The following EXOC5 variants were observed in gnomAD, a reference collection of about 807,000 sequenced individuals.
The protein encoded by EXOC5 is exocyst complex component 5.
Under a neutral mutation model 90.8 loss-of-function variants are expected in EXOC5, and 17 were observed. The observed-to-expected ratio is 0.19, with a 90% CI of 0.13 to 0.28. EXOC5 has a LOEUF of 0.28. Among genes scored for constraint, EXOC5 ranks in the 10% least tolerant of loss-of-function variants. The probability of loss-of-function intolerance (pLI) is 1.00; values close to 1 mark genes in which losing one functional copy is unlikely to be tolerated. For synonymous variants in EXOC5, 260 were observed against 270.0 expected, an observed-to-expected ratio of 0.96 and a Z score of 0.36; for missense variants, 569 against 830.6, an observed-to-expected ratio of 0.69 and a Z score of 3.87.
intron 3 of EXOC5, among the ~76,000 whole-genome samples, chr14:57,244,569 G>C (rs1015147647): frequency 6.6e-6 from 1 of 151,840 alleles, no homozygotes; most frequent in African/African-American, 2.4e-5. Context: ...TATTTATCGT[G>C]AGTACATTAA....
At chr14:57,239,990 T>A (rs1883807738) in intron 4 of EXOC5, among the ~76,000 whole-genome samples, 1 of 152,170 alleles carries the variant, frequency 6.6e-6, no homozygotes, top group Non-Finnish European at 1.5e-5. Context: ...GAAAGCCAGG[T>A]GTAAATCTCA....
chr14:57,220,204 GC>G (rs989312225), intron 13 of EXOC5, among the ~76,000 whole-genome samples: 7 of 146,886 alleles, frequency 4.8e-5, no homozygotes, highest in Admixed American at 1.4e-4. Context: ...GTTTCCCTCC[GC>G]CCCCCCTGCC....
Position 57,268,462 on chromosome 14 carries a change from G to A in EXOC5, c.27+160C>T, listed in dbSNP as rs919253500. ...GCACCCCTCCCCCATTTCACGCTCC[G>A]CCCGCGCTGACACGGAGCTGCCACC... On this transcript the variant is annotated intron_variant, in intron 1 of 17. Transcript: ENST00000621441. 4 of 1,459,306 alleles carry A rather than the reference G, an allele frequency of 2.7e-6. No individual in the cohort carries two copies. The East Asian group carries it at 8.2e-5, about 30-fold the overall frequency. The allele number at this position is 1,459,306 out of a possible 1,614,324, so 90.4% of individuals were successfully genotyped here.
intron 1 of EXOC5, among the ~76,000 whole-genome samples, chr14:57,252,197 T>C (rs1018735444): frequency 4.6e-5 from 7 of 152,150 alleles, no homozygotes; most frequent in Non-Finnish European, 8.8e-5. Flanking sequence ...CACTTCCTAA[T>C]TCACTGTATG....
At chr14:57,208,882 A>T (rs1383741170) in intron 17 of EXOC5, 85 bp from the exon 18 acceptor site, 1 of 860,418 alleles carries the variant, frequency 1.2e-6, no homozygotes, top group African/African-American at 1.7e-5. Context: ...ACATACTGTC[A>T]GGTGGGACTT....
intron 1 of EXOC5, chr14:57,268,402 C>A (rs1392004394): frequency 1.5e-6 from 2 of 1,348,480 alleles, no homozygotes; most frequent in Non-Finnish European, 2.0e-6. Flanking sequence ...CTTCCCCTCT[C>A]TGCCGACCGG....
At chr14:57,250,667 A>ACAAATG in intron 1 of EXOC5, among the ~76,000 whole-genome samples, 2 of 152,154 alleles carry the variant, frequency 1.3e-5, no homozygotes, top group African/African-American at 4.8e-5. Flanking sequence ...CCTAGTGGTC[A>ACAAATG]TTTCTGCAGT....
chr14:57,207,075 C>G lies in EXOC5; in HGVS notation c.*1534G>C, dbSNP rs117718827. On this transcript the variant is annotated 3_prime_UTR_variant, in exon 18 of 18. Coordinates refer to ENST00000621441, the MANE Select transcript of EXOC5 (RefSeq NM_006544.4). ...CAGCCTTCTAAAGCTGCCATAATGTCCTAAAATGCTCTGAAAGAAGTTGGT... is the reference window on the plus strand; with the variant it reads ...CAGCCTTCTAAAGCTGCCATAATGTGCTAAAATGCTCTGAAAGAAGTTGGT... The G allele has an allele frequency of 1.3e-5, 2 of 152,516 alleles. No individual in the cohort carries two copies. Among genetic ancestry groups the G allele is most frequent in the Non-Finnish European group, 2.9e-5 (2 of 67,930 alleles). The allele number at this position is 152,516 out of a possible 1,614,324, so 9.4% of individuals were successfully genotyped here.
intron 12 of EXOC5, among the ~76,000 whole-genome samples, chr14:57,223,396 T>C (rs980506714): frequency 2.0e-5 from 3 of 152,098 alleles, no homozygotes; most frequent in Non-Finnish European, 4.4e-5. Context: ...ACTTATTATC[T>C]GATGTATTAA....
At chr14:57,251,218 T>C (rs1183584218) in intron 1 of EXOC5, among the ~76,000 whole-genome samples, 1 of 152,148 alleles carries the variant, frequency 6.6e-6, no homozygotes, top group Non-Finnish European at 1.5e-5. Context: ...TGTGGCAGAG[T>C]GCTGTCCAAA....
chr14:57,210,199 T>C (rs1448836299), intron 15 of EXOC5, 138 bp from the exon 16 acceptor site: 3 of 533,306 alleles, frequency 5.6e-6, no homozygotes, highest in South Asian at 2.9e-5. Context: ...TGGTAAACTT[T>C]AGATATTAGA....
intron 12 of EXOC5, among the ~76,000 whole-genome samples, chr14:57,226,424 T>C (rs1883309691): frequency 6.6e-6 from 1 of 152,212 alleles, no homozygotes; most frequent in African/African-American, 2.4e-5. Flanking sequence ...TACATATGCT[T>C]ATAATGGCAT....
At position 57,203,080 on chromosome 14, in the gene EXOC5, G is replaced by A. The variant is rs1882551192; in HGVS notation, c.*5529C>T. On this transcript the variant is annotated 3_prime_UTR_variant, in exon 18 of 18. Transcript: ENST00000621441. Reference sequence around the variant, plus strand: ...TTTTCTTTACATCCAGCATTGTCCAGACTCTATTTGGATATTTTCTATAGC... The same window carrying A: ...TTTTCTTTACATCCAGCATTGTCCAAACTCTATTTGGATATTTTCTATAGC... 1 of 152,080 alleles carries A rather than the reference G, an allele frequency of 6.6e-6. No homozygotes were observed. The highest frequency in any genetic ancestry group is 1.5e-5 in the Non-Finnish European group (1 of 68,016). 9.4% of individuals were successfully genotyped at this position (152,080 alleles called of 1,614,324 possible).
At chr14:57,217,706 G>A (rs777270784) in intron 15 of EXOC5, among the ~76,000 whole-genome samples, 7 of 151,948 alleles carry the variant, frequency 4.6e-5, no homozygotes, top group African/African-American at 1.7e-4. Flanking sequence ...ACTGAAAAAC[G>A]TCACATATTT....
rs1239623225 is a variant in EXOC5, at chr14:57,238,375, T to TATACACAC, written c.531-1010_531-1009insGTGTGTAT. Among the ~76,000 whole-genome samples the TATACACAC allele has an allele frequency of 2.1e-3, 158 of 74,890 alleles. 1 individual carries two copies. The highest frequency in any genetic ancestry group is 0.01 in the Middle Eastern group (1 of 100). The allele number at this position is 74,890 out of a possible 152,430, so 49.1% of individuals were successfully genotyped here. A position where few individuals can be genotyped will look rare whatever the true frequency, so the allele number is the denominator to read the frequency against. ...ATATATATATATATATATATATATA[T>TATACACAC]ACACACACACACACACACACACACA... is the stretch of plus-strand genomic sequence containing the variant. On this transcript the variant is annotated intron_variant, in intron 5 of 17. Transcript: ENST00000621441.
In EXOC5 at chr14:57,231,819, A is replaced by G. The variant is rs1212541766; in HGVS notation, c.939-104T>C. On this transcript the variant is annotated intron_variant, in intron 10 of 17. Transcript: ENST00000621441. ...CAACGTGACTTTCATGACTTATGTTAAGCCACCATTTCTTAAACTCTGGGA... is the reference window on the plus strand; with the variant it reads ...CAACGTGACTTTCATGACTTATGTTGAGCCACCATTTCTTAAACTCTGGGA... 7 of 721,392 alleles carry G rather than the reference A, an allele frequency of 9.7e-6. No individual in the cohort carries two copies. The South Asian group carries it at 1.3e-4, about 14-fold the overall frequency. 44.7% of individuals were successfully genotyped at this position (721,392 alleles called of 1,614,324 possible). A position where few individuals can be genotyped will look rare whatever the true frequency, so the allele number is the denominator to read the frequency against.
chr14:57,266,413 AG>A (rs1566509727), intron 1 of EXOC5, among the ~76,000 whole-genome samples: 2 of 152,184 alleles, frequency 1.3e-5, no homozygotes, highest in Non-Finnish European at 2.9e-5. Context: ...AGTCCACTGT[AG>A]GGCTGGATTC....
intron 5 of EXOC5, among the ~76,000 whole-genome samples, chr14:57,238,349 C>CATATATATAT (rs146486005): frequency 1.1e-4 from 10 of 89,206 alleles, no homozygotes; most frequent in Admixed American, 1.6e-4. Context: ...CCTAATTAGA[C>CATATATATAT]ATATATATAT....
chr14:57,209,398 A>T (rs907656748), intron 17 of EXOC5, among the ~76,000 whole-genome samples, 169 bp downstream of exon 17: 2 of 152,008 alleles, frequency 1.3e-5, no homozygotes, highest in Non-Finnish European at 2.9e-5. Flanking sequence ...AAATAAAAAA[A>T]AATAATAATT....
Sources: allele counts gnomAD v4.1 joint callset (sites outside exome capture counted in the v4.1 genomes callset), GRCh38; gene constraint gnomAD v4.1.1; transcripts MANE v1.5; gene names NCBI Gene and HGNC (gene_info 2026-07-23, HGNC 2026-07-21).